Variants in ITGBL1 observed in about 807,000 individuals in gnomAD.
ITGBL1 encodes integrin beta-like protein 1.
A neutral mutation model predicts 68.5 loss-of-function variants in ITGBL1; 51 were observed. That is an observed-to-expected ratio of 0.74 (90% CI 0.59 to 0.94). The LOEUF (loss-of-function observed/expected upper bound fraction) is 0.94, where lower values mean the gene tolerates loss of function less well. Among genes scored for constraint, ITGBL1 ranks in the 40% least tolerant of loss-of-function variants. The pLI is 0.00. For missense variants in ITGBL1, 649 were observed against 647.4 expected (o/e 1.00, Z -0.03); for synonymous variants, 209 against 227.3 (o/e 0.92, Z 0.72).
In ITGBL1 at chr13:101,575,306, A is replaced by C. The variant is rs538430505; in HGVS notation, c.464-118A>C. The C allele has an allele frequency of 6.7e-5, 65 of 969,316 alleles. No individual in the cohort carries two copies. The African/African-American group carries it at 9.3e-4, about 14-fold the overall frequency. The allele number at this position is 969,316 out of a possible 1,614,324, so 60.0% of individuals were successfully genotyped here. A position where few individuals can be genotyped will look rare whatever the true frequency, so the allele number is the denominator to read the frequency against. On this transcript the variant is annotated intron_variant, in intron 3 of 10. Coordinates refer to ENST00000376180, the MANE Select transcript of ITGBL1 (RefSeq NM_004791.3). ...CCTCACCATGCCCACAGAAATATCT[A>C]ATTGAAATATTAAATTGATTTGGAT...
intron 7 of ITGBL1, among the ~76,000 whole-genome samples, chr13:101,639,679 A>T (rs1404296279): frequency 2.0e-5 from 3 of 152,026 alleles, no homozygotes; most frequent in Non-Finnish European, 4.4e-5. Context: ...TGCATTACAC[A>T]CCGTCTTGTG....
At position 101,650,295 on chromosome 13, in the gene ITGBL1, A is replaced by C. The variant is rs921358677; in HGVS notation, c.1016-42290A>C. Reference sequence around the variant, plus strand: ...AGAATATTAAGTTAGTTTGTGTTTAAATGAACTAATTGTTTTGCAAATGTG... The same window carrying C: ...AGAATATTAAGTTAGTTTGTGTTTACATGAACTAATTGTTTTGCAAATGTG... On this transcript the variant is annotated intron_variant, in intron 7 of 10. Coordinates refer to ENST00000376180, the MANE Select transcript of ITGBL1 (RefSeq NM_004791.3). Among the ~76,000 whole-genome samples the C allele has an allele frequency of 4.0e-4, 61 of 152,198 alleles. 3 individuals are homozygous for C. The highest frequency in any genetic ancestry group is 1.5e-5 in the Non-Finnish European group (1 of 68,036).
chr13:101,689,290 G>A (rs1476245142), intron 7 of ITGBL1, among the ~76,000 whole-genome samples: 1 of 149,746 alleles, frequency 6.7e-6, no homozygotes, highest in African/African-American at 2.5e-5. Context: ...AATTGTGTGA[G>A]TAGGAGGATG....
intron 6 of ITGBL1, among the ~76,000 whole-genome samples, chr13:101,591,963 G>C (rs1342454320): frequency 6.6e-6 from 1 of 152,058 alleles, no homozygotes; most frequent in East Asian, 1.9e-4. Context: ...TTTTTATGTA[G>C]CTTTTAAACT....
At chr13:101,677,762 A>G (rs2033540218) in intron 7 of ITGBL1, among the ~76,000 whole-genome samples, 2 of 152,200 alleles carry the variant, frequency 1.3e-5, no homozygotes, top group African/African-American at 4.8e-5. Context: ...CCTGCCTATG[A>G]TGAATGTGCT....
downstream of ITGBL1, chr13:101,719,805 T>C: frequency 6.6e-6 from 1 of 152,048 alleles, no homozygotes; most frequent in Non-Finnish European, 1.5e-5. Flanking sequence ...AGATTTACTA[T>C]ACGGAACATC....
At chr13:101,653,650 A>G (rs908860277) in intron 7 of ITGBL1, among the ~76,000 whole-genome samples, 7 of 152,092 alleles carry the variant, frequency 4.6e-5, no homozygotes, top group Admixed American at 4.6e-4. Context: ...TGCTATTATG[A>G]ACTATGACCA....
intron 2 of ITGBL1, among the ~76,000 whole-genome samples, chr13:101,506,337 C>T (rs2049026794): frequency 6.6e-6 from 1 of 151,990 alleles, no homozygotes; most frequent in Non-Finnish European, 1.5e-5. Context: ...ACAAAACTAA[C>T]ATGTGTCAAA....
At chr13:101,563,636 G>A (rs553218275) in intron 2 of ITGBL1, among the ~76,000 whole-genome samples, 17 of 151,946 alleles carry the variant, frequency 1.1e-4, no homozygotes, top group African/African-American at 3.1e-4. Flanking sequence ...TATTGGTCAA[G>A]CAAAGTGAAT....
chr13:101,676,340 A>G (rs1412567614), intron 7 of ITGBL1, among the ~76,000 whole-genome samples: 1 of 152,108 alleles, frequency 6.6e-6, no homozygotes, highest in Non-Finnish European at 1.5e-5. Flanking sequence ...AGATATAGAT[A>G]TAAATATAGA....
At chr13:101,599,283 G>T (rs964178514) in intron 7 of ITGBL1, among the ~76,000 whole-genome samples, 2 of 151,812 alleles carry the variant, frequency 1.3e-5, no homozygotes, top group Non-Finnish European at 2.9e-5. Context: ...TGATGGGGTT[G>T]TTTGTTTTTT....
intron 2 of ITGBL1, among the ~76,000 whole-genome samples, chr13:101,510,619 T>C (rs1369426072): frequency 6.6e-6 from 1 of 152,134 alleles, no homozygotes; most frequent in Non-Finnish European, 1.5e-5. Context: ...CCACGAACAG[T>C]GTACGAGTTC....
intron 2 of ITGBL1, among the ~76,000 whole-genome samples, chr13:101,473,702 C>A (rs1395916477): frequency 6.6e-6 from 1 of 152,156 alleles, no homozygotes; most frequent in African/African-American, 2.4e-5. Flanking sequence ...TGCATCACCC[C>A]TCCTTTGACC....
chr13:101,498,796 G>T (rs185331250), intron 2 of ITGBL1, among the ~76,000 whole-genome samples: 55 of 152,170 alleles, frequency 3.6e-4, no homozygotes, highest in Admixed American at 2.9e-3. Context: ...TTAGGCTGCT[G>T]ATAAAGACGT....
intron 3 of ITGBL1, among the ~76,000 whole-genome samples, chr13:101,575,130 T>C (rs538111582): frequency 6.6e-6 from 1 of 152,180 alleles, no homozygotes; most frequent in South Asian, 2.1e-4. Context: ...CATTCATGCA[T>C]TGGTTGGATG....
chr13:101,525,443 A>C (rs1033191031), intron 2 of ITGBL1, among the ~76,000 whole-genome samples: 1 of 149,730 alleles, frequency 6.7e-6, no homozygotes, highest in African/African-American at 2.5e-5. Flanking sequence ...AATAGAATTG[A>C]CTCAGAGCTA....
chr13:101,492,731 C>T (rs1308053265), intron 2 of ITGBL1, among the ~76,000 whole-genome samples: 1 of 152,198 alleles, frequency 6.6e-6, no homozygotes, highest in Non-Finnish European at 1.5e-5. Flanking sequence ...TCACCAGCCT[C>T]AGCTGTTGGT....
In ITGBL1 at chr13:101,606,157, A is replaced by G. The variant is rs563850599; in HGVS notation, c.1015+7858A>G. 3.2e-5 allele frequency among the ~76,000 whole-genome samples: 4 copies of G among 124,042 alleles called. No homozygotes were observed. In the Admixed American group the frequency reaches 3.5e-4, roughly 11 times the overall value. 81.4% of individuals were successfully genotyped at this position (124,042 alleles called of 152,430 possible). Reference sequence around the variant, plus strand: ...CACGTGGTCCCTGATATACTTCAGTATATTCTATTAGGATTTTTATATATA... The same window carrying G: ...CACGTGGTCCCTGATATACTTCAGTGTATTCTATTAGGATTTTTATATATA... On this transcript the variant is annotated intron_variant, in intron 7 of 10. Coordinates refer to ENST00000376180, the MANE Select transcript of ITGBL1 (RefSeq NM_004791.3).
intron 2 of ITGBL1, among the ~76,000 whole-genome samples, chr13:101,457,959 C>G (rs983765417): frequency 6.6e-6 from 1 of 152,174 alleles, no homozygotes; most frequent in Non-Finnish European, 1.5e-5. Flanking sequence ...TCTTAGAAAT[C>G]TTTTGAAATT....
Sources: allele counts gnomAD v4.1 joint callset (sites outside exome capture counted in the v4.1 genomes callset), GRCh38; gene constraint gnomAD v4.1.1; transcripts MANE v1.5; gene names NCBI Gene and HGNC (gene_info 2026-07-23, HGNC 2026-07-21).